The following RARB variants were observed in gnomAD, a reference collection of about 807,000 sequenced individuals.
RARB encodes the protein HBV-activated protein.
In RARB, 17 loss-of-function variants were observed where a neutral mutation model predicts 51.9. The observed-to-expected ratio is 0.33, with a 90% CI of 0.22 to 0.49. RARB has a LOEUF of 0.49. Among genes scored for constraint, RARB ranks in the 20% least tolerant of loss-of-function variants. RARB has a pLI of 0.99. For missense variants in RARB, 369 were observed against 550.8 expected (o/e 0.67, Z 3.30); for synonymous variants, 215 against 195.4 (o/e 1.10, Z -0.84).
intron 3 of RARB, among the ~76,000 whole-genome samples, chr3:25,118,782 G>A (rs1421852419): frequency 6.6e-6 from 1 of 152,056 alleles, no homozygotes; most frequent in African/African-American, 2.4e-5. Context: ...GGCAACACAA[G>A]ATCCTCCCCA....
At chr3:25,525,820 T>C (rs1698621647) in intron 3 of RARB, among the ~76,000 whole-genome samples, 1 of 152,164 alleles carries the variant, frequency 6.6e-6, no homozygotes, top group Admixed American at 6.6e-5. Flanking sequence ...ATGGTCTGTC[T>C]GGCAAGGTAA....
At chr3:25,292,761 G>A (rs772833837) in intron 5 of RARB, among the ~76,000 whole-genome samples, 2 of 152,120 alleles carry the variant, frequency 1.3e-5, no homozygotes, top group East Asian at 1.9e-4. Context: ...AGAGCCCTGC[G>A]TTGGTTTCAA....
At chr3:25,386,562 G>C (rs934713905) in intron 5 of RARB, among the ~76,000 whole-genome samples, 1 of 152,226 alleles carries the variant, frequency 6.6e-6, no homozygotes, top group Non-Finnish European at 1.5e-5. Context: ...TGAGATGAAA[G>C]TATCCTGGAT....
chr3:25,062,568 T>C (rs1037413184), intron 3 of RARB, among the ~76,000 whole-genome samples: 1 of 151,974 alleles, frequency 6.6e-6, no homozygotes, highest in African/African-American at 2.4e-5. Flanking sequence ...GCTTAAATCA[T>C]GATATGTCAA....
chr3:25,027,533 TTGTGGGGGAAACA>T (rs1697773978), intron 2 of RARB, among the ~76,000 whole-genome samples: 1 of 152,166 alleles, frequency 6.6e-6, no homozygotes, highest in African/African-American at 2.4e-5. Context: ...ATAAGCCAGT[TTGTGGGGGAAACA>T]GCCATAATTG....
chr3:25,018,345 C>G (rs1471056228), intron 2 of RARB, among the ~76,000 whole-genome samples: 2 of 152,180 alleles, frequency 1.3e-5, no homozygotes, highest in African/African-American at 4.8e-5. Flanking sequence ...ATTCTTCCCC[C>G]TCTAATCTCT....
intron 2 of RARB, among the ~76,000 whole-genome samples, chr3:24,968,014 T>C (rs1696315044): frequency 1.3e-5 from 2 of 152,178 alleles, no homozygotes; most frequent in South Asian, 4.1e-4. Flanking sequence ...AAAACAATTA[T>C]AATAGCTCTT....
In RARB at chr3:24,985,702, A is replaced by AT. The variant is rs537672814; in HGVS notation, c.-379-74415dup. Among the ~76,000 whole-genome samples the AT allele has an allele frequency of 1.8e-3, 280 of 152,102 alleles. 2 individuals are homozygous for AT. The highest frequency in any genetic ancestry group is 0.017 in the Middle Eastern group (5 of 290). ...TCTTTTGTTTCCAGAAATTTTGTTC[A>AT]TTTTTTTTCCATTTTATGAGCCATG... On this transcript the variant is annotated intron_variant, in intron 2 of 11. Coordinates refer to the RARB transcript ENST00000383772.
intron 5 of RARB, among the ~76,000 whole-genome samples, chr3:25,264,608 G>T (rs1703082504): frequency 2.6e-5 from 4 of 151,960 alleles, no homozygotes; most frequent in African/African-American, 9.7e-5. Flanking sequence ...TTAAATATCA[G>T]ACACTAACAT....
chr3:25,094,604 G>C (rs1329471018), intron 3 of RARB, among the ~76,000 whole-genome samples: 2 of 147,976 alleles, frequency 1.4e-5, no homozygotes, highest in Non-Finnish European at 3.0e-5. Flanking sequence ...TGTGGTCCCA[G>C]CTATTCAGGA....
chr3:25,209,957 T>A (rs1387533931), intron 5 of RARB, among the ~76,000 whole-genome samples: 1 of 152,192 alleles, frequency 6.6e-6, no homozygotes, highest in Non-Finnish European at 1.5e-5. Context: ...CTTAATAAGA[T>A]AACTTTGATA....
rs1697041371 is a variant in RARB at position 25,496,498 on chromosome 3, GGTGGCACACTTGATGGCACT to G, written c.307-4682_307-4663del. On this transcript the variant is annotated intron_variant, in intron 2 of 7. Coordinates refer to ENST00000330688, the MANE Select transcript of RARB (RefSeq NM_000965.5). ...GGGAGGCATGAGTATCGGCAAGGAA[GGTGGCACACTTGATGGCACT>G]GAGACACCTTAATGGATAAATGCAC... Among the ~76,000 whole-genome samples, 4 of 152,202 alleles carry G rather than the reference GGTGGCACACTTGATGGCACT, an allele frequency of 2.6e-5. No homozygotes were observed. In the South Asian group the frequency reaches 8.3e-4, roughly 31 times the overall value.
In RARB at chr3:24,948,777, C is replaced by T. The variant is rs114305090; in HGVS notation, c.-380+90025C>T. Among the ~76,000 whole-genome samples, 1,013 of 152,106 alleles carry T rather than the reference C, an allele frequency of 6.7e-3. 14 individuals are homozygous for T. The highest frequency in any genetic ancestry group is 0.023 in the African/African-American group (958 of 41,482). On this transcript the variant is annotated intron_variant, in intron 2 of 11. Coordinates refer to the RARB transcript ENST00000383772. ...CTCACTAAGTTCATGTGAGATCTGG[C>T]GGGACCTCCCCCTTCTCCCTCTCTT...
At chr3:24,992,743 T>C (rs974615092) in intron 2 of RARB, among the ~76,000 whole-genome samples, 1 of 152,192 alleles carries the variant, frequency 6.6e-6, no homozygotes, top group Non-Finnish European at 1.5e-5. Context: ...TCTTTTTATA[T>C]GGACACCAGT....
chr3:24,894,586 G>T (rs1703443791), intron 2 of RARB, among the ~76,000 whole-genome samples: 2 of 152,084 alleles, frequency 1.3e-5, no homozygotes, highest in African/African-American at 2.4e-5. Context: ...GTGAGTGCAT[G>T]TGTCTTTTTT....
At chr3:25,493,756 A>G (rs1696865097) in intron 2 of RARB, among the ~76,000 whole-genome samples, 4 of 152,190 alleles carry the variant, frequency 2.6e-5, no homozygotes, top group South Asian at 2.1e-4. Context: ...CCCTGATCCA[A>G]TGCTTTTTAC....
At chr3:25,105,921 A>G (rs997836401) in intron 3 of RARB, among the ~76,000 whole-genome samples, 10 of 152,200 alleles carry the variant, frequency 6.6e-5, no homozygotes, top group East Asian at 1.9e-4. Flanking sequence ...AATGTAATCT[A>G]AATGCAACCT....
intron 5 of RARB, among the ~76,000 whole-genome samples, chr3:25,225,403 CTG>C (rs1438907788): frequency 1.3e-5 from 2 of 152,140 alleles, no homozygotes; most frequent in Non-Finnish European, 2.9e-5. Flanking sequence ...TATCTTCTCT[CTG>C]GATTCCATTT....
chr3:25,502,773 C>G (rs560106256), intron 3 of RARB, among the ~76,000 whole-genome samples: 3 of 152,174 alleles, frequency 2.0e-5, no homozygotes, highest in African/African-American at 7.2e-5. Flanking sequence ...ACAAGTACCC[C>G]TGGTGGCCAT....
Sources: gnomAD v4.1 joint callset for allele counts (sites outside exome capture counted in the v4.1 genomes callset) on GRCh38, gnomAD v4.1.1 for gene constraint, MANE v1.5 for transcripts, NCBI Gene and HGNC (gene_info 2026-07-23, HGNC 2026-07-21) for gene names.